MSN: variants seen among roughly 807,000 people sequenced by gnomAD.
The protein encoded by MSN is moesin.
MSN carries 2 observed loss-of-function variants against 48.0 expected under a neutral mutation model. That is an observed-to-expected ratio of 0.04 (90% confidence interval 0.02 to 0.13). The LOEUF is 0.13. MSN is among the 10% of genes least tolerant of loss of function. The pLI is 1.00. For synonymous variants in MSN, 146 were observed against 166.9 expected, an observed-to-expected ratio of 0.87 and a Z score of 0.97; for missense variants, 267 against 470.1, an observed-to-expected ratio of 0.57 and a Z score of 3.99.
At position 65,670,442 on chromosome X, in the gene MSN, C is replaced by T. The variant is rs2070920258; in HGVS notation, c.12+2589C>T. Among the ~76,000 whole-genome samples the T allele has an allele frequency of 4.5e-5, 5 of 111,250 alleles. 1 individual carries two copies. In the South Asian group the frequency reaches 1.9e-3, roughly 42 times the overall value. On this transcript the variant is annotated intron_variant, in intron 1 of 12. Transcript: ENST00000360270. ...CTCCCCTACATTTGTTAAAACACGC[C>T]AGCCGGGCGTGGTGGCTCCAGCCAG...
intron 1 of MSN, among the ~76,000 whole-genome samples, chrX:65,614,950 C>T (rs771773763): frequency 6.7e-5 from 6 of 89,097 alleles, no homozygotes; most frequent in Admixed American, 1.3e-4. Flanking sequence ...TGAGAATATG[C>T]GGTGTTTGGT....
At chrX:65,603,448 C>T (rs1036516491) in intron 1 of MSN, among the ~76,000 whole-genome samples, 2 of 111,612 alleles carry the variant, frequency 1.8e-5, no homozygotes, top group South Asian at 3.7e-4. Flanking sequence ...AAAGGACAGG[C>T]TCAGATAGGT....
At chrX:65,657,200 G>T (rs1391940559) in intron 1 of MSN, among the ~76,000 whole-genome samples, 1 of 111,542 alleles carries the variant, frequency 9.0e-6, no homozygotes, top group Admixed American at 9.5e-5. Context: ...TAAAGATGAT[G>T]AAACTGTGCA....
At chrX:65,591,155 A>T (rs5964445) in intron 1 of MSN, among the ~76,000 whole-genome samples, 1 of 110,278 alleles carries the variant, frequency 9.1e-6, no homozygotes, top group African/African-American at 3.3e-5. Context: ...TTGTTCATAC[A>T]CTCCATTCTT....
At chrX:65,651,768 T>C (rs2070744289) in intron 1 of MSN, among the ~76,000 whole-genome samples, 1 of 106,276 alleles carries the variant, frequency 9.4e-6, no homozygotes, top group Admixed American at 1.0e-4. Flanking sequence ...TTTGTATTTT[T>C]AGTAGAGATG....
chrX:65,732,026 C>T, intron 6 of MSN, 42 bp downstream of exon 6: 1 of 1,162,299 alleles, frequency 8.6e-7, no homozygotes, highest in African/African-American at 1.8e-5. Context: ...GTCACGTTAA[C>T]ATCTAGGGCT....
At chrX:65,644,161 T>C (rs1358017583) in intron 1 of MSN, among the ~76,000 whole-genome samples, 1 of 112,283 alleles carries the variant, frequency 8.9e-6, no homozygotes, top group Admixed American at 9.5e-5. Context: ...TTATAAATAA[T>C]AAGCAGTACC....
intron 1 of MSN, among the ~76,000 whole-genome samples, chrX:65,655,387 G>A (rs1296880231): frequency 8.9e-6 from 1 of 112,090 alleles, no homozygotes; most frequent in African/African-American, 3.2e-5. Context: ...GTTCTTGGTA[G>A]TGAATGACAT....
chrX:65,616,457 T>C (rs1299882479), intron 1 of MSN, among the ~76,000 whole-genome samples: 2 of 70,566 alleles, frequency 2.8e-5, no homozygotes, highest in Non-Finnish European at 5.4e-5. Context: ...TATTTTATTC[T>C]CTTTGAAGCA....
chrX:65,591,745 T>A (rs1295935981), intron 1 of MSN, among the ~76,000 whole-genome samples: 1 of 111,554 alleles, frequency 9.0e-6, no homozygotes, highest in Non-Finnish European at 1.9e-5. Flanking sequence ...CCAGGCCTTT[T>A]TCTTAACCCC....
rs992233209 is a variant in MSN, at chrX:65,735,241, C to G, written c.796-26C>G. The G allele has an allele frequency of 7.5e-6, 9 of 1,202,823 alleles. No individual in the cohort carries two copies. In the Admixed American group the frequency reaches 8.8e-5, roughly 12 times the overall value. On this transcript the variant is annotated intron_variant, in intron 7 of 12. Transcript: ENST00000360270. ...TCACCTTCACCTGTCCCTCCAAATT[C>G]TTTCTGATTGCTGATTTCCCACCAG... is the stretch of plus-strand genomic sequence containing the variant.
At chrX:65,660,918 A>G (rs914682392) in intron 1 of MSN, among the ~76,000 whole-genome samples, 8 of 111,085 alleles carry the variant, frequency 7.2e-5, no homozygotes, top group African/African-American at 2.6e-4. Context: ...CCCATTCAGT[A>G]TGACGTTGGC....
intron 1 of MSN, among the ~76,000 whole-genome samples, chrX:65,683,393 G>GCCA (rs535010759): frequency 0.053 from 4,834 of 91,270 alleles, 239 homozygotes; most frequent in East Asian, 0.11. Flanking sequence ...TGCCGCCGCC[G>GCCA]CCACCACCAC....
chrX:65,656,565 A>G (rs2070782702), intron 1 of MSN, among the ~76,000 whole-genome samples: 1 of 111,548 alleles, frequency 9.0e-6, no homozygotes, highest in South Asian at 3.7e-4. Flanking sequence ...TGCATGGAAC[A>G]AAAACTGTGA....
At chrX:65,704,562 T>C (rs1175037595) in intron 1 of MSN, among the ~76,000 whole-genome samples, 1 of 111,246 alleles carries the variant, frequency 9.0e-6, no homozygotes, top group Non-Finnish European at 1.9e-5. Context: ...GGTGATTGTC[T>C]CAGATCCTGA....
At chrX:65,628,776 T>C (rs771592921) in intron 1 of MSN, among the ~76,000 whole-genome samples, 2 of 111,045 alleles carry the variant, frequency 1.8e-5, no homozygotes, top group South Asian at 3.8e-4. Context: ...TAAAACAGAA[T>C]GTTTTTGGGG....
chrX:65,591,565 C>A (rs12013237), intron 1 of MSN, among the ~76,000 whole-genome samples: 93 of 111,992 alleles, frequency 8.3e-4, no homozygotes, highest in African/African-American at 2.7e-3. Flanking sequence ...TTTCCTTTTG[C>A]CAGTTTCTGG....
chrX:65,622,811 A>G lies in MSN; in HGVS notation c.-22+34199A>G, dbSNP rs1455905239. ...TAGGTGTGAGCCACTGCTCCCAGTC[A>G]GCATCTTTGTCTTGTTCTTGATCTT... On this transcript the variant is annotated intron_variant, in intron 1 of 3. Coordinates refer to the MSN transcript ENST00000609672. 2.7e-5 allele frequency among the ~76,000 whole-genome samples: 3 copies of G among 111,728 alleles called. No homozygotes were observed. In the Admixed American group the frequency reaches 2.9e-4, roughly 11 times the overall value.
intron 1 of MSN, among the ~76,000 whole-genome samples, chrX:65,627,315 T>TATGTATTAATATATATGTATTAGTCCA (rs2070515442): frequency 9.0e-6 from 1 of 110,807 alleles, no homozygotes; most frequent in African/African-American, 3.3e-5. Flanking sequence ...TATTAGTCCA[T>TATGTATTAATATATATGTATTAGTCCA]TTTCATGCTG....
Sources: gnomAD v4.1 joint callset for allele counts (sites outside exome capture counted in the v4.1 genomes callset) on GRCh38, gnomAD v4.1.1 for gene constraint, MANE v1.5 for transcripts, NCBI Gene and HGNC (gene_info 2026-07-23, HGNC 2026-07-21) for gene names.